Variants in NINJ2 observed in about 807,000 individuals in gnomAD.
NINJ2 encodes ninjurin 2, also known as ninjurin-2.
A neutral mutation model predicts 11.7 loss-of-function variants in NINJ2; 12 were observed. That is an observed-to-expected ratio of 1.02 (90% CI 0.66 to 1.66). The LOEUF (loss-of-function observed/expected upper bound fraction) is 1.66, where lower values mean the gene tolerates loss of function less well. Among genes scored for constraint, NINJ2 ranks in the 40% most tolerant of loss-of-function variants. The probability of loss-of-function intolerance (pLI) is 0.00; values close to 1 mark genes in which losing one functional copy is unlikely to be tolerated. For missense variants in NINJ2, 187 were observed against 181.8 expected (o/e 1.03, Z -0.16); for synonymous variants, 93 against 76.8 (o/e 1.21, Z -1.10).
chr12:593,080 G>A (rs909492966), intron 1 of NINJ2, among the ~76,000 whole-genome samples: 2 of 152,104 alleles, frequency 1.3e-5, no homozygotes, highest in African/African-American at 4.8e-5. Flanking sequence ...GGATACAGAT[G>A]TTATAAATAT....
At chr12:627,955 A>C (rs1400734184) in intron 1 of NINJ2, among the ~76,000 whole-genome samples, 2 of 152,156 alleles carry the variant, frequency 1.3e-5, no homozygotes, top group African/African-American at 4.8e-5. Context: ...AAAAAGTCTC[A>C]ATCAGCTAGG....
intron 1 of NINJ2, among the ~76,000 whole-genome samples, chr12:583,914 G>A (rs758796): frequency 0.27 from 41,091 of 152,056 alleles, 5,907 homozygotes; most frequent in South Asian, 0.37. Context: ...CTATTTTTAA[G>A]GATCTATATT....
rs1388047422 is a variant in NINJ2 at position 580,932 on chromosome 12, GC to G, written c.34-14755del. On this transcript the variant is annotated intron_variant, in intron 1 of 3. Coordinates refer to ENST00000305108, the MANE Select transcript of NINJ2 (RefSeq NM_016533.6). This position sits in a 1 kb window ranked among gnomAD's most constrained non-coding sequence, Gnocchi z 4.7. ...TGTGTCTGTATGTTTGTGTGTGTGT[GC>G]CTGTGTGTCTGTGTGTATTCATGTG... is the stretch of plus-strand genomic sequence containing the variant. Among the ~76,000 whole-genome samples, 4 of 151,746 alleles carry G rather than the reference GC, an allele frequency of 2.6e-5. No individual in the cohort carries two copies. The highest frequency in any genetic ancestry group is 7.3e-5 in the African/African-American group (3 of 41,262).
chr12:657,595 T>A lies in NINJ2; in HGVS notation c.33+5733A>T, dbSNP rs140705388. ...CAGAGCGAGACTCCTTCTCAAAAAA[T>A]AAATAAATAAATAAGTAACCCCACT... On this transcript the variant is annotated intron_variant, in intron 1 of 3. Coordinates refer to ENST00000305108, the MANE Select transcript of NINJ2 (RefSeq NM_016533.6). Among the ~76,000 whole-genome samples the A allele has an allele frequency of 8.8e-3, 1,343 of 151,820 alleles. 25 individuals carry two copies. The highest frequency in any genetic ancestry group is 0.027 in the African/African-American group (1,105 of 41,398).
rs866580126 is a variant in NINJ2, at chr12:564,466, G to C, written c.*234C>G. On this transcript the variant is annotated 3_prime_UTR_variant, in exon 4 of 4. Transcript: ENST00000305108. The stretch of plus-strand genomic sequence containing the variant: ...TAGGTCCAGCAGATGCTACCAGGAA[G>C]GTATGGCTGGCAGTACCTGCGTCTG... 6.6e-6 allele frequency: 1 copy of C among 152,242 alleles called. No individual in the cohort carries two copies. The highest frequency in any genetic ancestry group is 2.4e-5 in the African/African-American group (1 of 41,450). 9.4% of individuals were successfully genotyped at this position (152,242 alleles called of 1,614,324 possible).
At chr12:600,653 GGTGT>G (rs58255968) in intron 1 of NINJ2, among the ~76,000 whole-genome samples, 9,306 of 141,832 alleles carry the variant, frequency 0.066, 386 homozygotes, top group East Asian at 0.21. Context: ...ATTTTTTTGG[GGTGT>G]GTGTGTGTGT....
At position 641,706 on chromosome 12, in the gene NINJ2, G is replaced by A. The variant is rs181130728; in HGVS notation, c.33+21622C>T. On this transcript the variant is annotated intron_variant, in intron 1 of 3. Coordinates refer to ENST00000305108, the MANE Select transcript of NINJ2 (RefSeq NM_016533.6). ...AAAAAATACAAAAAATGAGCCGGGC[G>A]TGGTGGCGGGCGCCTGTAGTCCCAT... 2.9e-3 allele frequency among the ~76,000 whole-genome samples: 443 copies of A among 152,248 alleles called. 3 individuals are homozygous for A. Among genetic ancestry groups the A allele is most frequent in the African/African-American group, 0.01 (423 of 41,568 alleles).
intron 1 of NINJ2, among the ~76,000 whole-genome samples, chr12:662,410 G>GAT (rs1555168109): frequency 8.3e-6 from 1 of 120,982 alleles, no homozygotes; most frequent in Non-Finnish European, 1.6e-5. Flanking sequence ...CACAGAGAAC[G>GAT]AGAGAGAGAG....
intron 1 of NINJ2, among the ~76,000 whole-genome samples, chr12:625,064 T>A (rs966100555): frequency 2.9e-5 from 4 of 139,450 alleles, no homozygotes; most frequent in African/African-American, 1.1e-4. Context: ...ATCGTGCCAC[T>A]GCACTCCTGC....
rs537114315 is a variant in NINJ2 at position 585,636 on chromosome 12, C to T, written c.34-19458G>A. Among the ~76,000 whole-genome samples, 15 of 152,296 alleles carry T rather than the reference C, an allele frequency of 9.8e-5. No homozygotes were observed. In the East Asian group the frequency reaches 2.3e-3, roughly 24 times the overall value. ...TGCTCTGCGGATGAGTCAGCAGCATCGATTAAGCACCCACTGTGTGCAATG... is the reference window on the plus strand; with the variant it reads ...TGCTCTGCGGATGAGTCAGCAGCATTGATTAAGCACCCACTGTGTGCAATG... On this transcript the variant is annotated intron_variant, in intron 1 of 3. Coordinates refer to ENST00000305108, the MANE Select transcript of NINJ2 (RefSeq NM_016533.6). This position sits in a 1 kb window ranked among gnomAD's most constrained non-coding sequence, Gnocchi z 4.1.
chr12:576,575 G>T (rs950987912), intron 1 of NINJ2, among the ~76,000 whole-genome samples: 2 of 152,222 alleles, frequency 1.3e-5, no homozygotes, highest in Non-Finnish European at 2.9e-5. Context: ...GCTCACTGCA[G>T]CCTCAACCTC....
chr12:650,032 A>G (rs937439193), intron 1 of NINJ2, among the ~76,000 whole-genome samples: 1 of 151,972 alleles, frequency 6.6e-6, no homozygotes, highest in Non-Finnish European at 1.5e-5. Context: ...ATATCTAAAC[A>G]CAACTTCGAT....
intron 1 of NINJ2, among the ~76,000 whole-genome samples, chr12:599,006 G>A (rs1947827013): frequency 6.6e-6 from 1 of 151,606 alleles, no homozygotes; most frequent in African/African-American, 2.4e-5. Context: ...AGCCTACAAT[G>A]CTTGTATTTT....
chr12:575,967 G>A (rs886773092), intron 1 of NINJ2, among the ~76,000 whole-genome samples: 2 of 152,204 alleles, frequency 1.3e-5, no homozygotes, highest in Non-Finnish European at 2.9e-5. Flanking sequence ...GCCAAAAGCT[G>A]TAAAAGCCCA....
At chr12:601,354 G>T (rs897144201) in intron 1 of NINJ2, among the ~76,000 whole-genome samples, 1 of 149,342 alleles carries the variant, frequency 6.7e-6, no homozygotes, top group Non-Finnish European at 1.5e-5. Flanking sequence ...AGACCATCCT[G>T]GCTAACACAG....
chr12:650,721 T>C (rs1312862369), intron 1 of NINJ2, among the ~76,000 whole-genome samples: 1 of 152,156 alleles, frequency 6.6e-6, no homozygotes, highest in African/African-American at 2.4e-5. Context: ...TTGACACATA[T>C]TATAGTATCA....
At chr12:578,398 A>C (rs1412619614) in intron 1 of NINJ2, among the ~76,000 whole-genome samples, 2 of 152,156 alleles carry the variant, frequency 1.3e-5, no homozygotes, top group African/African-American at 2.4e-5. Flanking sequence ...GGCTCACTGT[A>C]GCTTCAAACT....
chr12:619,069 G>T (rs1447688627), intron 1 of NINJ2, among the ~76,000 whole-genome samples: 1 of 152,212 alleles, frequency 6.6e-6, no homozygotes, highest in Non-Finnish European at 1.5e-5. Flanking sequence ...TGGAGAAATA[G>T]TTGGGGAGTG....
At chr12:571,382 C>A (rs564832160) in intron 1 of NINJ2, among the ~76,000 whole-genome samples, 18 of 151,224 alleles carry the variant, frequency 1.2e-4, no homozygotes, top group African/African-American at 4.4e-4. Context: ...AGAGACCCAG[C>A]GGTTTGCCCC....
Sources: gnomAD v4.1 joint callset for allele counts (sites outside exome capture counted in the v4.1 genomes callset) on GRCh38, gnomAD v4.1.1 for gene constraint, Gnocchi (gnomAD v3.1) non-coding constraint, MANE v1.5 for transcripts, NCBI Gene and HGNC (gene_info 2026-07-23, HGNC 2026-07-21) for gene names.